CNNM2: variants seen among roughly 807,000 people sequenced by gnomAD.
CNNM2 encodes the protein metal transporter CNNM2.
A neutral mutation model predicts 66.9 loss-of-function variants in CNNM2; 12 were observed. The observed-to-expected ratio is 0.18, with a 90% CI of 0.11 to 0.29. CNNM2 has a LOEUF of 0.29. Ranked by LOEUF, CNNM2 falls within the 10% of genes least tolerant of loss-of-function variation. The pLI is 1.00. For synonymous variants in CNNM2, 557 were observed against 501.8 expected, an observed-to-expected ratio of 1.11 and a Z score of -1.47; for missense variants, 705 against 1,167.7, an observed-to-expected ratio of 0.60 and a Z score of 5.77.
chr10:102,973,994 A>T (rs2134219998), intron 1 of CNNM2, among the ~76,000 whole-genome samples: 1 of 152,304 alleles, frequency 6.6e-6, no homozygotes, highest in Non-Finnish European at 1.5e-5. Context: ...CAGGGGTGAA[A>T]GATAACTATT....
intron 2 of CNNM2, among the ~76,000 whole-genome samples, chr10:103,051,570 A>G (rs1287500025): frequency 6.6e-6 from 1 of 151,278 alleles, no homozygotes; most frequent in Non-Finnish European, 1.5e-5. Context: ...GCGAAACACC[A>G]TCTCTACAAA....
chr10:102,943,488 C>T (rs1846501060), intron 1 of CNNM2, among the ~76,000 whole-genome samples: 2 of 152,052 alleles, frequency 1.3e-5, no homozygotes. Flanking sequence ...GTAGGAGATA[C>T]ACTGAAATGT....
At chr10:102,987,671 A>G (rs1313448443) in intron 1 of CNNM2, among the ~76,000 whole-genome samples, 2 of 152,016 alleles carry the variant, frequency 1.3e-5, no homozygotes, top group African/African-American at 4.8e-5. Context: ...TAATATATAT[A>G]ATTTATAAGT....
chr10:103,045,004 C>T (rs770012118), intron 1 of CNNM2, among the ~76,000 whole-genome samples: 3 of 152,126 alleles, frequency 2.0e-5, no homozygotes, highest in Non-Finnish European at 4.4e-5. Context: ...GTGAGAATAG[C>T]GCCTCAGTGG....
chr10:103,065,332 T>C (rs2065458326), intron 4 of CNNM2, among the ~76,000 whole-genome samples: 1 of 152,298 alleles, frequency 6.6e-6, no homozygotes, highest in Admixed American at 6.5e-5. Flanking sequence ...TCACCTATAT[T>C]GTTAAATGAG....
chr10:103,045,713 T>A (rs942920599), intron 1 of CNNM2, among the ~76,000 whole-genome samples: 22 of 152,184 alleles, frequency 1.4e-4, no homozygotes, highest in Admixed American at 1.2e-3. Flanking sequence ...TTTTAGATAC[T>A]TTGCATGCTT....
intron 1 of CNNM2, among the ~76,000 whole-genome samples, chr10:103,017,425 A>G (rs1310527797): frequency 6.6e-6 from 1 of 152,178 alleles, no homozygotes; most frequent in Non-Finnish European, 1.5e-5. Context: ...AATATGAACC[A>G]AAACATCAGA....
At chr10:103,025,773 T>A (rs542653443) in intron 1 of CNNM2, among the ~76,000 whole-genome samples, 4 of 152,254 alleles carry the variant, frequency 2.6e-5, no homozygotes, top group Non-Finnish European at 5.9e-5. Context: ...TTCCTAGATC[T>A]GTTTTCTCTT....
chr10:102,970,839 T>C (rs1763647044), intron 1 of CNNM2, among the ~76,000 whole-genome samples: 1 of 152,168 alleles, frequency 6.6e-6, no homozygotes, highest in Non-Finnish European at 1.5e-5. Flanking sequence ...GGAAGAGACT[T>C]ATTGAAAGAT....
In CNNM2 at chr10:103,054,969, C is replaced by CT. The variant is rs777855816; in HGVS notation, c.1903+506dup. ...GAAAACTAGGTTTTCACAATTAAAT[C>CT]TTTATCTTTTATGATTTTAATGAAA... On this transcript the variant is annotated intron_variant, in intron 3 of 7. Transcript: ENST00000369878. This position sits in a 1 kb window ranked among gnomAD's most constrained non-coding sequence, Gnocchi z 5.2. Among the ~76,000 whole-genome samples the CT allele has an allele frequency of 1.3e-4, 20 of 152,338 alleles. No homozygotes were observed. Among genetic ancestry groups the CT allele is most frequent in the African/African-American group, 4.6e-4 (19 of 41,568 alleles).
At chr10:102,972,632 T>G (rs1156684829) in intron 1 of CNNM2, among the ~76,000 whole-genome samples, 1 of 152,158 alleles carries the variant, frequency 6.6e-6, no homozygotes, top group Non-Finnish European at 1.5e-5. Flanking sequence ...CGAGACTGTC[T>G]CAAAATAAAA....
At chr10:103,048,932 T>G (rs985102508) in intron 1 of CNNM2, among the ~76,000 whole-genome samples, 1 of 152,090 alleles carries the variant, frequency 6.6e-6, no homozygotes, top group Non-Finnish European at 1.5e-5. Flanking sequence ...CATAGCTCAC[T>G]GCAGCCTCGA....
Position 103,081,569 on chromosome 10 carries a change from G to A in CNNM2, c.*4389G>A, listed in dbSNP as rs938127686. ...TCCTATTTCTTAGGTGTTCAAGTTG[G>A]TTAATAGGAGAGAGACGTTCAGAGA... On this transcript the variant is annotated 3_prime_UTR_variant, in exon 8 of 8. Transcript: ENST00000369878. 6.6e-6 allele frequency: 1 copy of A among 152,118 alleles called. No homozygotes were observed. Among genetic ancestry groups the A allele is most frequent in the Admixed American group, 6.5e-5 (1 of 15,276 alleles). 9.4% of individuals were successfully genotyped at this position (152,118 alleles called of 1,614,324 possible). A position where few individuals can be genotyped will look rare whatever the true frequency, so the allele number is the denominator to read the frequency against.
At chr10:103,064,716 T>C (rs1276391939) in intron 4 of CNNM2, among the ~76,000 whole-genome samples, 2 of 152,116 alleles carry the variant, frequency 1.3e-5, no homozygotes, top group South Asian at 4.1e-4. Flanking sequence ...GGTGCACACC[T>C]GTAGTGCCAG....
intron 1 of CNNM2, among the ~76,000 whole-genome samples, chr10:103,013,842 G>A (rs1207366629): frequency 2.6e-5 from 4 of 152,200 alleles, no homozygotes; most frequent in African/African-American, 9.6e-5. Context: ...TAATTCTAGA[G>A]TAAACTGTGT....
chr10:103,051,533 G>A (rs2134332576), intron 2 of CNNM2, among the ~76,000 whole-genome samples: 1 of 151,820 alleles, frequency 6.6e-6, no homozygotes, highest in Non-Finnish European at 1.5e-5. Flanking sequence ...TTGAGTTCGG[G>A]AGTTAGAGAC....
chr10:103,073,027 G>T (rs2065619017), intron 6 of CNNM2, among the ~76,000 whole-genome samples: 1 of 152,250 alleles, frequency 6.6e-6, no homozygotes, highest in South Asian at 2.1e-4. Context: ...AATATTTTAA[G>T]TAAGATGGCA....
At chr10:103,075,712 C>T (rs375442207) in intron 6 of CNNM2, among the ~76,000 whole-genome samples, 2 of 152,200 alleles carry the variant, frequency 1.3e-5, no homozygotes, top group South Asian at 2.1e-4. Flanking sequence ...CTGTCCTCTG[C>T]GTAGCCTACC....
chr10:103,024,897 G>C (rs2064669896), intron 1 of CNNM2, among the ~76,000 whole-genome samples: 1 of 152,068 alleles, frequency 6.6e-6, no homozygotes, highest in Admixed American at 6.6e-5. Context: ...TGTATTTCCT[G>C]TACACTGGAA....
Sources: allele counts gnomAD v4.1 joint callset (sites outside exome capture counted in the v4.1 genomes callset), GRCh38; gene constraint gnomAD v4.1.1; non-coding constraint Gnocchi (gnomAD v3.1); transcripts MANE v1.5; gene names NCBI Gene and HGNC (gene_info 2026-07-23, HGNC 2026-07-21).